The following MSN variants were observed in gnomAD, a reference collection of about 807,000 sequenced individuals.
MSN encodes moesin.
Under a neutral mutation model 48.0 loss-of-function variants are expected in MSN, and 2 were observed. The ratio of observed to expected loss-of-function variants is 0.04; its 90% CI spans 0.02 to 0.13. The LOEUF (loss-of-function observed/expected upper bound fraction) is 0.13, where lower values mean the gene tolerates loss of function less well. Among genes scored for constraint, MSN ranks in the 10% least tolerant of loss-of-function variants. The pLI is 1.00. For missense variants in MSN, 267 were observed against 470.1 expected (o/e 0.57, Z 3.99); for synonymous variants, 146 against 166.9 (o/e 0.87, Z 0.97).
intron 1 of MSN, among the ~76,000 whole-genome samples, chrX:65,708,536 G>A (rs897663435): frequency 2.7e-5 from 3 of 110,919 alleles, no homozygotes; most frequent in African/African-American, 6.6e-5. Flanking sequence ...CAGGTGATCC[G>A]CCCACATTGG....
chrX:65,696,555 C>T (rs759179589), intron 1 of MSN, among the ~76,000 whole-genome samples: 5 of 110,559 alleles, frequency 4.5e-5, no homozygotes, highest in Non-Finnish European at 9.5e-5. Context: ...ACCAAACATT[C>T]GGGGCTGGGG....
At chrX:65,722,404 C>CGTGTGT (rs55900091) in intron 2 of MSN, among the ~76,000 whole-genome samples, 1,342 of 94,651 alleles carry the variant, frequency 0.014, 32 homozygotes, top group African/African-American at 0.053. Context: ...CGTGCACGCT[C>CGTGTGT]GTGTGTGTGT....
At chrX:65,716,179 C>A (rs1035470527) in intron 1 of MSN, among the ~76,000 whole-genome samples, 6 of 111,687 alleles carry the variant, frequency 5.4e-5, no homozygotes, top group Non-Finnish European at 7.5e-5. Context: ...AGAAGAGAAC[C>A]CTGTGAGATG....
intron 9 of MSN, 70 bp from the exon 10 acceptor site, chrX:65,737,108 A>G: frequency 8.7e-7 from 1 of 1,147,780 alleles, no homozygotes. Flanking sequence ...GATCATTTCC[A>G]GGAACGAAGC....
intron 1 of MSN, among the ~76,000 whole-genome samples, chrX:65,620,430 G>A (rs181882992): frequency 0.011 from 1,269 of 113,515 alleles, 13 homozygotes; most frequent in African/African-American, 0.038. Flanking sequence ...TTCCAAGCCC[G>A]TCGGAAAAGC....
chrX:65,615,875 T>G (rs1007076406), intron 1 of MSN, among the ~76,000 whole-genome samples: 2 of 111,300 alleles, frequency 1.8e-5, no homozygotes, highest in African/African-American at 6.5e-5. Context: ...CTTGAATTGA[T>G]TTTTGTATAA....
intron 1 of MSN, among the ~76,000 whole-genome samples, chrX:65,677,426 C>T (rs1420525212): frequency 8.9e-6 from 1 of 112,245 alleles, no homozygotes. Flanking sequence ...TTTTAATTTT[C>T]TTTTTCTCCA....
At chrX:65,656,417 G>A (rs1228192422) in intron 1 of MSN, among the ~76,000 whole-genome samples, 2 of 110,432 alleles carry the variant, frequency 1.8e-5, no homozygotes, top group Non-Finnish European at 3.8e-5. Flanking sequence ...GGGAATGTGT[G>A]CCCTTAGAGA....
intron 1 of MSN, among the ~76,000 whole-genome samples, chrX:65,694,857 G>A (rs780953744): frequency 1.9e-4 from 21 of 111,812 alleles, no homozygotes; most frequent in African/African-American, 6.8e-4. Context: ...AGGAGAAGAG[G>A]GACATGAGAC....
At chrX:65,699,007 C>G (rs987320718) in intron 1 of MSN, among the ~76,000 whole-genome samples, 1 of 111,728 alleles carries the variant, frequency 9.0e-6, no homozygotes, top group Non-Finnish European at 1.9e-5. Flanking sequence ...CTCTCCCTCC[C>G]GTCAAGCTGC....
intron 1 of MSN, among the ~76,000 whole-genome samples, chrX:65,612,239 C>T (rs1201649832): frequency 9.0e-6 from 1 of 110,889 alleles, no homozygotes; most frequent in Non-Finnish European, 1.9e-5. Context: ...CCCCTTTTCT[C>T]TCTCTCTCAC....
Position 65,610,190 on chromosome X carries a change from C to G in MSN, c.-22+21578C>G, listed in dbSNP as rs185988785. Among the ~76,000 whole-genome samples the G allele has an allele frequency of 5.3e-3, 593 of 111,861 alleles. 3 individuals are homozygous for G. The highest frequency in any genetic ancestry group is 0.017 in the African/African-American group (526 of 30,803). ...TCACAGTGTTGTGCAACCATCACCA[C>G]TTATCTATTTCTGAAACGTTTTCAT... On this transcript the variant is annotated intron_variant, in intron 1 of 3. Transcript: ENST00000609672.
At chrX:65,710,609 G>A in intron 1 of MSN, among the ~76,000 whole-genome samples, 1 of 112,320 alleles carries the variant, frequency 8.9e-6, no homozygotes, top group Admixed American at 9.4e-5. Context: ...AATAATAGCA[G>A]TACCCATGAC....
At chrX:65,736,336 G>A (rs1032743123) in intron 8 of MSN, among the ~76,000 whole-genome samples, 2 of 110,817 alleles carry the variant, frequency 1.8e-5, no homozygotes, top group African/African-American at 6.6e-5. Flanking sequence ...GAGGACAAGG[G>A]TATAGAGGTA....
chrX:65,632,628 C>T (rs1175480098), intron 1 of MSN, among the ~76,000 whole-genome samples: 1 of 111,858 alleles, frequency 8.9e-6, no homozygotes, highest in African/African-American at 3.3e-5. Flanking sequence ...GGTGTTGTCG[C>T]TGTTTTTTTA....
chrX:65,733,168 GT>G lies in MSN; in HGVS notation c.699-13del, dbSNP rs1279067372. Reference sequence around the variant, plus strand: ...TCTTGCCCTTGTCCTGATGTTATTGGTTTCTATTTCTACAGACTAACTCCCA... The same window carrying G: ...TCTTGCCCTTGTCCTGATGTTATTGGTTCTATTTCTACAGACTAACTCCCA... On this transcript the variant is annotated splice_polypyrimidine_tract_variant and intron_variant, in intron 6 of 12. Transcript: ENST00000360270. 3.4e-5 allele frequency: 40 copies of G among 1,186,535 alleles called. No individual in the cohort carries two copies. Among genetic ancestry groups the G allele is most frequent in the Non-Finnish European group, 4.3e-5 (38 of 874,700 alleles).
At chrX:65,729,141 A>G (rs193175283) in intron 3 of MSN, among the ~76,000 whole-genome samples, 3 of 112,108 alleles carry the variant, frequency 2.7e-5, no homozygotes, top group East Asian at 2.8e-4. Flanking sequence ...TATGCCTACT[A>G]TCAGAATTTG....
chrX:65,591,509 G>A (rs1014936508), intron 1 of MSN, among the ~76,000 whole-genome samples: 3 of 111,945 alleles, frequency 2.7e-5, no homozygotes, highest in East Asian at 2.8e-4. Context: ...GTAGGACCCT[G>A]TAAATAGGCC....
At chrX:65,695,107 T>TGTG (rs1359203093) in intron 1 of MSN, among the ~76,000 whole-genome samples, 2 of 81,382 alleles carry the variant, frequency 2.5e-5, no homozygotes, top group African/African-American at 4.8e-4. Flanking sequence ...TGTGTGTGTG[T>TGTG]GTGGTGGTGG....
Sources: allele counts gnomAD v4.1 joint callset (sites outside exome capture counted in the v4.1 genomes callset), GRCh38; gene constraint gnomAD v4.1.1; transcripts MANE v1.5; gene names NCBI Gene and HGNC (gene_info 2026-07-23, HGNC 2026-07-21).